Variants in KCNQ5 observed in about 807,000 individuals in gnomAD.
KCNQ5 encodes the protein potassium voltage-gated channel subfamily KQT member 5.
In KCNQ5, 30 loss-of-function variants were observed where a neutral mutation model predicts 98.2. The ratio of observed to expected loss-of-function variants is 0.31; its 90% confidence interval spans 0.23 to 0.41. The LOEUF (loss-of-function observed/expected upper bound fraction) is 0.41. Ranked by LOEUF, KCNQ5 falls within the 10% of genes least tolerant of loss-of-function variation. KCNQ5 has a pLI of 1.00. For synonymous variants in KCNQ5, 458 were observed against 449.4 expected (o/e 1.02, Z -0.24); for missense variants, 835 against 1,182.5 (o/e 0.71, Z 4.31).
At chr6:72,771,095 G>T (rs1337863084) in intron 1 of KCNQ5, among the ~76,000 whole-genome samples, 2 of 152,258 alleles carry the variant, frequency 1.3e-5, no homozygotes, top group Non-Finnish European at 2.9e-5. Context: ...AGATAAAGGA[G>T]TGGGCAGCCT....
chr6:72,666,167 A>G (rs1766800879), intron 1 of KCNQ5, among the ~76,000 whole-genome samples: 1 of 152,186 alleles, frequency 6.6e-6, no homozygotes, highest in African/African-American at 2.4e-5. Context: ...TTATTTCCAC[A>G]CATTAAAAGG....
chr6:72,750,875 C>G (rs1470711650), intron 1 of KCNQ5, among the ~76,000 whole-genome samples: 3 of 151,876 alleles, frequency 2.0e-5, no homozygotes, highest in Middle Eastern at 3.2e-3. Context: ...ATTGCTCAAG[C>G]CTTCCACTTC....
chr6:72,934,004 G>T (rs935145852), intron 1 of KCNQ5, among the ~76,000 whole-genome samples: 1 of 152,170 alleles, frequency 6.6e-6, no homozygotes, highest in Non-Finnish European at 1.5e-5. Context: ...AGGCTGCAAT[G>T]AGCTATGATC....
intron 1 of KCNQ5, among the ~76,000 whole-genome samples, chr6:72,815,331 G>T (rs551780469): frequency 4.6e-5 from 7 of 152,228 alleles, no homozygotes; most frequent in African/African-American, 1.7e-4. Context: ...TATAAGTATC[G>T]TAAGACAGGT....
At chr6:72,907,556 A>G (rs1562060502) in intron 1 of KCNQ5, among the ~76,000 whole-genome samples, 1 of 152,172 alleles carries the variant, frequency 6.6e-6, no homozygotes, top group East Asian at 1.9e-4. Context: ...GTGGCTATTT[A>G]TCTTACTATA....
chr6:72,694,291 G>A (rs2154474342), intron 1 of KCNQ5, among the ~76,000 whole-genome samples: 1 of 152,230 alleles, frequency 6.6e-6, no homozygotes, highest in Non-Finnish European at 1.5e-5. Flanking sequence ...ATAAAGTTGT[G>A]CCCCCCTGTG....
intron 1 of KCNQ5, among the ~76,000 whole-genome samples, chr6:72,836,303 T>G (rs900854791): frequency 6.6e-6 from 1 of 152,160 alleles, no homozygotes; most frequent in Non-Finnish European, 1.5e-5. Flanking sequence ...AGATGGCAGA[T>G]AGAAAAGTAG....
chr6:73,004,211 C>G lies in KCNQ5; in HGVS notation c.489+213C>G, dbSNP rs1334107055. Among the ~76,000 whole-genome samples, 3 of 152,126 alleles carry G rather than the reference C, an allele frequency of 2.0e-5. No individual in the cohort carries two copies. The East Asian group carries it at 5.8e-4, about 29-fold the overall frequency. Reference sequence around the variant, plus strand: ...AGAAATGTTCAGGATTGCTATTACACAGCAATATCTTGTGTTGTAGATATA... The same window carrying G: ...AGAAATGTTCAGGATTGCTATTACAGAGCAATATCTTGTGTTGTAGATATA... On this transcript the variant is annotated intron_variant, in intron 2 of 13. Coordinates refer to ENST00000370398, the MANE Select transcript of KCNQ5 (RefSeq NM_019842.4).
intron 1 of KCNQ5, among the ~76,000 whole-genome samples, chr6:72,982,684 A>T (rs1768529760): frequency 6.6e-6 from 1 of 151,824 alleles, no homozygotes; most frequent in East Asian, 1.9e-4. Flanking sequence ...TTTAAGGTTA[A>T]TATTGTTATG....
intron 2 of KCNQ5, among the ~76,000 whole-genome samples, chr6:73,013,513 A>C (rs1770177664): frequency 6.6e-6 from 1 of 152,160 alleles, no homozygotes; most frequent in East Asian, 1.9e-4. Context: ...TCAAAAATGA[A>C]AGGGAGCCAG....
chr6:72,791,438 A>G, intron 1 of KCNQ5, among the ~76,000 whole-genome samples: 1 of 152,134 alleles, frequency 6.6e-6, no homozygotes, highest in East Asian at 1.9e-4. Flanking sequence ...CCTCACCCCA[A>G]GCACACACAT....
intron 10 of KCNQ5, among the ~76,000 whole-genome samples, chr6:73,139,077 C>A (rs78373874): frequency 0.048 from 7,311 of 152,282 alleles, 181 homozygotes; most frequent in African/African-American, 0.072. Flanking sequence ...TTGACTTTTT[C>A]CATCTGTCTG....
chr6:73,139,580 A>C (rs1776622201), intron 10 of KCNQ5, among the ~76,000 whole-genome samples: 3 of 152,204 alleles, frequency 2.0e-5, no homozygotes. Flanking sequence ...AAAACATAAA[A>C]GCCAGATTTA....
chr6:72,862,597 A>G (rs928882121), intron 1 of KCNQ5, among the ~76,000 whole-genome samples: 1 of 152,124 alleles, frequency 6.6e-6, no homozygotes, highest in Non-Finnish European at 1.5e-5. Context: ...GGCTAGGGGA[A>G]AAAACCTAGC....
intron 1 of KCNQ5, among the ~76,000 whole-genome samples, chr6:72,752,904 G>T (rs566137388): frequency 6.6e-6 from 1 of 152,080 alleles, no homozygotes; most frequent in African/African-American, 2.4e-5. Context: ...ATTGATCGAG[G>T]TTCTTCTAGA....
chr6:72,918,790 T>C (rs943099976), intron 1 of KCNQ5, among the ~76,000 whole-genome samples: 19 of 152,116 alleles, frequency 1.2e-4, no homozygotes, highest in African/African-American at 4.6e-4. Context: ...GATACTATAA[T>C]ATGTTAGGGT....
intron 1 of KCNQ5, among the ~76,000 whole-genome samples, chr6:72,910,871 T>C (rs1195747810): frequency 6.6e-6 from 1 of 152,114 alleles, no homozygotes; most frequent in Non-Finnish European, 1.5e-5. Flanking sequence ...CAGCTTCATA[T>C]CAGCTGACCA....
intron 10 of KCNQ5, chr6:73,135,181 C>G (rs1254749990): frequency 6.6e-6 from 1 of 150,688 alleles, no homozygotes; most frequent in African/African-American, 2.5e-5. Flanking sequence ...ATTATTGACA[C>G]AGAAAGATGA....
chr6:72,971,999 G>T (rs9446799), intron 1 of KCNQ5, among the ~76,000 whole-genome samples: 7,354 of 152,072 alleles, frequency 0.048, 588 homozygotes, highest in African/African-American at 0.17. Flanking sequence ...TTAAAAAAGA[G>T]GTGCTAAATA....
Sources: allele counts gnomAD v4.1 joint callset (sites outside exome capture counted in the v4.1 genomes callset), GRCh38; gene constraint gnomAD v4.1.1; transcripts MANE v1.5; gene names NCBI Gene and HGNC (gene_info 2026-07-23, HGNC 2026-07-21).